DLG2: variants seen among roughly 807,000 people sequenced by gnomAD.
DLG2 encodes the protein discs large MAGUK scaffold protein 2, also known as disks large homolog 2.
A neutral mutation model predicts 132.5 loss-of-function variants in DLG2; 45 were observed. That is an observed-to-expected ratio of 0.34 (90% confidence interval 0.27 to 0.44). The LOEUF (loss-of-function observed/expected upper bound fraction) is 0.44. DLG2 is among the 20% of genes least tolerant of loss of function. DLG2 has a pLI of 1.00. For missense variants in DLG2, 1,045 were observed against 1,196.9 expected (o/e 0.87, Z 1.87); for synonymous variants, 424 against 419.6 (o/e 1.01, Z -0.13).
intron 4 of DLG2, among the ~76,000 whole-genome samples, chr11:85,245,896 A>T (rs1273548704): frequency 6.6e-6 from 1 of 151,690 alleles, no homozygotes; most frequent in Non-Finnish European, 1.5e-5. Context: ...TCTGCTTGAG[A>T]TTCTGTTTCT....
At chr11:85,011,792 C>G (rs192210041) in intron 6 of DLG2, among the ~76,000 whole-genome samples, 1 of 152,274 alleles carries the variant, frequency 6.6e-6, no homozygotes, top group Non-Finnish European at 1.5e-5. Flanking sequence ...TCCATCTATA[C>G]AGTTTTATCC....
chr11:84,744,755 G>C (rs1463285485), intron 6 of DLG2, among the ~76,000 whole-genome samples: 2 of 152,016 alleles, frequency 1.3e-5, no homozygotes, highest in Non-Finnish European at 2.9e-5. Flanking sequence ...AAAACACATT[G>C]AGAAGAAAGA....
intron 3 of DLG2, among the ~76,000 whole-genome samples, chr11:85,557,468 A>G (rs1354190965): frequency 6.6e-6 from 1 of 151,876 alleles, no homozygotes; most frequent in Non-Finnish European, 1.5e-5. Context: ...TAAAATTCAT[A>G]CAGAACCAAA....
intron 3 of DLG2, among the ~76,000 whole-genome samples, chr11:85,374,917 G>T (rs978828135): frequency 1.3e-5 from 2 of 151,932 alleles, no homozygotes; most frequent in Non-Finnish European, 2.9e-5. Flanking sequence ...AAAACCTTTA[G>T]GGCTGAAATG....
In DLG2 at chr11:85,004,880, T is replaced by C. The variant is rs1458594837; in HGVS notation, c.357+106781A>G. Among the ~76,000 whole-genome samples, 3 of 152,198 alleles carry C rather than the reference T, an allele frequency of 2.0e-5. 1 individual carries two copies. Among genetic ancestry groups the C allele is most frequent in the Admixed American group, 2.0e-4 (3 of 15,260 alleles). On this transcript the variant is annotated intron_variant, in intron 6 of 27. Transcript: ENST00000376104. The stretch of plus-strand genomic sequence containing the variant: ...TTAGGTCTTAGGTTTAAGTCTTTGA[T>C]CCATCTTGAGCTAATTTTTGTATAA...
At chr11:84,907,231 C>T (rs1940124) in intron 6 of DLG2, among the ~76,000 whole-genome samples, 133,776 of 152,176 alleles carry the variant, frequency 0.88, 58,936 homozygotes, top group East Asian at 0.98. Flanking sequence ...ATTCAACATA[C>T]GACTAACTGG....
rs145966352 is a variant in DLG2, at chr11:85,429,414, T to G, written c.41-144049A>C. Among the ~76,000 whole-genome samples the G allele has an allele frequency of 3.5e-3, 533 of 151,572 alleles. 3 individuals carry two copies. The highest frequency in any genetic ancestry group is 0.012 in the African/African-American group (494 of 41,310). ...ACGGCAAAAGAAAATACCATCAGAG[T>G]GAACAGGAACCTACAGAATGGGAGA... is the stretch of plus-strand genomic sequence containing the variant. On this transcript the variant is annotated intron_variant, in intron 3 of 27. Coordinates refer to ENST00000376104, the MANE Select transcript of DLG2 (RefSeq NM_001142699.3).
At chr11:85,569,861 C>A (rs1169067293) in intron 3 of DLG2, among the ~76,000 whole-genome samples, 1 of 152,188 alleles carries the variant, frequency 6.6e-6, no homozygotes, top group Admixed American at 6.6e-5. Flanking sequence ...ATTTGGCCCA[C>A]CAATCCCATT....
chr11:85,233,205 G>C (rs951497777), intron 4 of DLG2, among the ~76,000 whole-genome samples: 2 of 151,760 alleles, frequency 1.3e-5, no homozygotes, highest in East Asian at 3.9e-4. Context: ...TCTGTCCCCA[G>C]CTACAGGTTG....
At chr11:84,659,209 A>G (rs886725321) in intron 6 of DLG2, among the ~76,000 whole-genome samples, 70 of 152,062 alleles carry the variant, frequency 4.6e-4, no homozygotes, top group African/African-American at 1.6e-3. Flanking sequence ...GGTAGCCTCA[A>G]TCTAATTGTG....
At chr11:85,504,041 C>T (rs182817975) in intron 3 of DLG2, among the ~76,000 whole-genome samples, 118 of 152,232 alleles carry the variant, frequency 7.8e-4, no homozygotes, top group African/African-American at 2.6e-3. Flanking sequence ...ATACTTCGCC[C>T]ACTTTTTGAG....
chr11:84,845,621 T>A (rs891566870), intron 6 of DLG2, among the ~76,000 whole-genome samples: 3 of 151,850 alleles, frequency 2.0e-5, no homozygotes, highest in African/African-American at 7.3e-5. Flanking sequence ...AGAATTTTAA[T>A]CAGATAACCC....
At chr11:84,623,245 G>A (rs1214102591) in intron 6 of DLG2, among the ~76,000 whole-genome samples, 1 of 151,854 alleles carries the variant, frequency 6.6e-6, no homozygotes, top group Non-Finnish European at 1.5e-5. Context: ...CCATGTGGAG[G>A]ATAATCAACG....
At chr11:83,833,804 G>C (rs1412132056) in intron 16 of DLG2, 34 bp from the exon 17 acceptor site, 1 of 1,599,088 alleles carries the variant, frequency 6.3e-7, no homozygotes, top group Admixed American at 1.7e-5. Context: ...AGCTCAGAGG[G>C]TGATCCATTT....
At chr11:84,313,533 A>G (rs914947243) in intron 7 of DLG2, among the ~76,000 whole-genome samples, 15 of 113,698 alleles carry the variant, frequency 1.3e-4, no homozygotes, top group African/African-American at 4.1e-4. Context: ...AGAGAGGAAG[A>G]AAGGAAGGAA....
At position 84,829,652 on chromosome 11, in the gene DLG2, C is replaced by T. The variant is rs73514961; in HGVS notation, c.357+282009G>A. On this transcript the variant is annotated intron_variant, in intron 6 of 27. Coordinates refer to ENST00000376104, the MANE Select transcript of DLG2 (RefSeq NM_001142699.3). ...ATTAACCTCTCTGAACTCTAGATTC[C>T]TTTCCAATCCCAAAGTTAATAATAA... Among the ~76,000 whole-genome samples the T allele has an allele frequency of 1.5e-3, 235 of 151,812 alleles. 1 individual carries two copies. Among genetic ancestry groups the T allele is most frequent in the African/African-American group, 5.4e-3 (226 of 41,494 alleles).
intron 18 of DLG2, among the ~76,000 whole-genome samples, chr11:83,712,613 G>C (rs939560667): frequency 2.6e-4 from 39 of 152,128 alleles, no homozygotes; most frequent in African/African-American, 9.2e-4. Context: ...CTGGGCAAGA[G>C]AACATAAATC....
intron 8 of DLG2, among the ~76,000 whole-genome samples, chr11:84,211,483 G>A (rs1023454885): frequency 6.6e-6 from 1 of 152,160 alleles, no homozygotes; most frequent in Non-Finnish European, 1.5e-5. Flanking sequence ...GGGCTCCAGT[G>A]ATCTGCCCAC....
chr11:84,532,277 C>G (rs945560141), intron 7 of DLG2, among the ~76,000 whole-genome samples: 1 of 151,928 alleles, frequency 6.6e-6, no homozygotes, highest in African/African-American at 2.4e-5. Flanking sequence ...ACTCATAAGA[C>G]AAAAGATGCA....
Sources: gnomAD v4.1 joint callset for allele counts (sites outside exome capture counted in the v4.1 genomes callset) on GRCh38, gnomAD v4.1.1 for gene constraint, MANE v1.5 for transcripts, NCBI Gene and HGNC (gene_info 2026-07-23, HGNC 2026-07-21) for gene names.